CCDC7: variants seen among roughly 807,000 people sequenced by gnomAD.
CCDC7 encodes the protein coiled-coil domain-containing protein 7.
A neutral mutation model predicts 196.9 loss-of-function variants in CCDC7; 183 were observed. That is an observed-to-expected ratio of 0.93 (90% CI 0.82 to 1.05). The LOEUF is 1.05. CCDC7 is among the 50% of genes least tolerant of loss of function. The probability of loss-of-function intolerance (pLI) is 0.00; values close to 1 mark genes in which losing one functional copy is unlikely to be tolerated. For missense variants in CCDC7, 1,540 were observed against 1,482.2 expected (o/e 1.04, Z -0.64); for synonymous variants, 525 against 484.6 (o/e 1.08, Z -1.10).
intron 23 of CCDC7, among the ~76,000 whole-genome samples, chr10:32,692,873 G>A (rs577630207): frequency 4.6e-5 from 7 of 152,282 alleles, no homozygotes; most frequent in South Asian, 2.1e-4. Flanking sequence ...TTGTCTCATG[G>A]TGGAAGGAGT....
intron 15 of CCDC7, among the ~76,000 whole-genome samples, chr10:32,569,921 C>T (rs548587782): frequency 6.6e-6 from 1 of 152,164 alleles, no homozygotes; most frequent in African/African-American, 2.4e-5. Flanking sequence ...TTGCTCTGCT[C>T]ATTCTTTAAA....
At chr10:32,876,049 T>C (rs1297718065) in intron 41 of CCDC7, among the ~76,000 whole-genome samples, 1 of 152,012 alleles carries the variant, frequency 6.6e-6, no homozygotes, top group African/African-American at 2.4e-5. Flanking sequence ...ACCCCAGAAC[T>C]ACTGAATCAG....
At chr10:32,473,224 C>G (rs796213216) in intron 7 of CCDC7, among the ~76,000 whole-genome samples, 8 of 152,242 alleles carry the variant, frequency 5.3e-5, no homozygotes, top group African/African-American at 1.9e-4. Flanking sequence ...AAGGAGCAAT[C>G]TGTTCAACCT....
At chr10:32,695,995 CTT>C (rs61401274) in intron 24 of CCDC7, among the ~76,000 whole-genome samples, 2,075 of 147,978 alleles carry the variant, frequency 0.014, 15 homozygotes, top group Non-Finnish European at 0.019. Context: ...GCAATGAAGA[CTT>C]TTTTTTTTTT....
At chr10:32,579,075 T>C (rs2058497037) in intron 16 of CCDC7, among the ~76,000 whole-genome samples, 1 of 152,216 alleles carries the variant, frequency 6.6e-6, no homozygotes, top group African/African-American at 2.4e-5. Context: ...TATGTACTAA[T>C]CTTGGCATAT....
At position 32,738,868 on chromosome 10, in the gene CCDC7, TA is replaced by T. The variant is rs201203724; in HGVS notation, c.2905+9416del. On this transcript the variant is annotated intron_variant, in intron 28 of 41. Transcript: ENST00000639629. ...ATATTCCTTCTCTCTGAAGAATGTTTAAAAATATTTTCTTCCAATGCAAGGA... is the reference window on the plus strand; with the variant it reads ...ATATTCCTTCTCTCTGAAGAATGTTTAAAATATTTTCTTCCAATGCAAGGA... 1.4e-4 allele frequency among the ~76,000 whole-genome samples: 21 copies of T among 152,280 alleles called. No individual in the cohort carries two copies. In the East Asian group the frequency reaches 4.0e-3, roughly 29 times the overall value.
intron 3 of CCDC7, among the ~76,000 whole-genome samples, chr10:32,458,594 T>C (rs1168229098): frequency 6.6e-6 from 1 of 151,846 alleles, no homozygotes; most frequent in African/African-American, 2.4e-5. Context: ...AGGGATCCTC[T>C]TGCCTCAGCT....
At chr10:32,449,296 C>T (rs1183217028), upstream of CCDC7, among the ~76,000 whole-genome samples, 1 of 152,126 alleles carries the variant, frequency 6.6e-6, no homozygotes. Context: ...AAGCGATTCT[C>T]CTGCCTCAGC....
intron 20 of CCDC7, among the ~76,000 whole-genome samples, chr10:32,648,148 CTTTA>C (rs779959851): frequency 1.3e-4 from 20 of 152,216 alleles, no homozygotes; most frequent in Non-Finnish European, 2.2e-4. Flanking sequence ...AGGTGTGGGG[CTTTA>C]TTTATGAGTT....
chr10:32,547,869 G>T (rs2052737281), intron 13 of CCDC7, among the ~76,000 whole-genome samples: 1 of 152,126 alleles, frequency 6.6e-6, no homozygotes, highest in African/African-American at 2.4e-5. Flanking sequence ...GCAGTGATTT[G>T]TGAGATTTTG....
chr10:32,881,096 T>C (rs186059328), downstream of CCDC7, among the ~76,000 whole-genome samples: 302 of 152,272 alleles, frequency 2.0e-3, 1 homozygote, highest in Middle Eastern at 6.8e-3. Flanking sequence ...ATGTGATTAC[T>C]TTTGGGGAGG....
chr10:32,656,128 A>AT (rs768789259), intron 20 of CCDC7, among the ~76,000 whole-genome samples: 1 of 151,908 alleles, frequency 6.6e-6, no homozygotes, highest in African/African-American at 2.4e-5. Context: ...TGTCAGGGAG[A>AT]TTTTTCCCTA....
At chr10:32,811,119 C>T (rs1218526452) in intron 30 of CCDC7, among the ~76,000 whole-genome samples, 1 of 151,634 alleles carries the variant, frequency 6.6e-6, no homozygotes, top group Non-Finnish European at 1.5e-5. Context: ...AAAGCAAAAA[C>T]AAACCAATCA....
intron 16 of CCDC7, among the ~76,000 whole-genome samples, chr10:32,573,651 G>A (rs2057850293): frequency 6.6e-6 from 1 of 152,170 alleles, no homozygotes; most frequent in African/African-American, 2.4e-5. Context: ...ACAGAATGAG[G>A]ATGATGGGGA....
chr10:32,517,631 G>C (rs564950041), intron 9 of CCDC7, among the ~76,000 whole-genome samples: 1 of 104,292 alleles, frequency 9.6e-6, no homozygotes, highest in African/African-American at 3.5e-5. Flanking sequence ...GGTGGGGGGA[G>C]GGGGGAGGGA....
chr10:32,655,150 G>T (rs1023398552), intron 20 of CCDC7, among the ~76,000 whole-genome samples: 1 of 152,054 alleles, frequency 6.6e-6, no homozygotes, highest in African/African-American at 2.4e-5. Flanking sequence ...AACTTATTTT[G>T]CCCTCTCTAG....
intron 23 of CCDC7, among the ~76,000 whole-genome samples, chr10:32,693,220 G>A (rs2077289621): frequency 6.6e-6 from 1 of 151,892 alleles, no homozygotes; most frequent in South Asian, 2.1e-4. Flanking sequence ...TTTTGAAATT[G>A]TAGGACATGA....
intron 28 of CCDC7, among the ~76,000 whole-genome samples, chr10:32,742,445 C>T (rs1592246264): frequency 1.3e-5 from 2 of 152,144 alleles, no homozygotes; most frequent in South Asian, 2.1e-4. Context: ...ATTATAGTAT[C>T]GTACAGAATA....
rs920994822 is a variant in CCDC7 at position 32,558,732 on chromosome 10, G to A, written c.1135-6826G>A. 3.9e-5 allele frequency among the ~76,000 whole-genome samples: 6 copies of A among 152,206 alleles called. No homozygotes were observed. In the South Asian group the frequency reaches 8.3e-4, roughly 21 times the overall value. On this transcript the variant is annotated intron_variant, in intron 13 of 41. Transcript: ENST00000639629. The stretch of plus-strand genomic sequence containing the variant: ...ACAGCTCCGGTCTACAGCTCCCAGC[G>A]TGAGTGACGCAGAAGACGGGTGATT...
Sources: gnomAD v4.1 joint callset for allele counts (sites outside exome capture counted in the v4.1 genomes callset) on GRCh38, gnomAD v4.1.1 for gene constraint, MANE v1.5 for transcripts, NCBI Gene and HGNC (gene_info 2026-07-23, HGNC 2026-07-21) for gene names.